Variants in ADAMTS2 observed in about 807,000 individuals in gnomAD.
ADAMTS2 encodes A disintegrin and metalloproteinase with thrombospondin motifs 2.
ADAMTS2 carries 50 observed loss-of-function variants against 123.0 expected under a neutral mutation model. That is an observed-to-expected ratio of 0.41 (90% CI 0.32 to 0.51). ADAMTS2 has a LOEUF of 0.51. ADAMTS2 is among the 20% of genes least tolerant of loss of function. The pLI is 0.35. For missense variants in ADAMTS2, 1,494 were observed against 1,705.2 expected (o/e 0.88, Z 2.18); for synonymous variants, 678 against 695.4 (o/e 0.98, Z 0.39).
At chr5:179,290,290 T>G (rs1756148513) in intron 2 of ADAMTS2, among the ~76,000 whole-genome samples, 1 of 152,210 alleles carries the variant, frequency 6.6e-6, no homozygotes, top group Admixed American at 6.5e-5. Flanking sequence ...TGGGTTTCCC[T>G]TCTTTGCACA....
At chr5:179,134,717 A>C (rs1354013664) in intron 13 of ADAMTS2, among the ~76,000 whole-genome samples, 2 of 147,688 alleles carry the variant, frequency 1.4e-5, no homozygotes, top group Non-Finnish European at 1.5e-5. Context: ...GCCCTCGAGC[A>C]CCCTCCCGGC....
At chr5:179,273,213 G>C (rs988165909) in intron 2 of ADAMTS2, 149 bp from the exon 3 acceptor site, 2 of 1,286,362 alleles carry the variant, frequency 1.6e-6, no homozygotes, top group African/African-American at 2.9e-5. Flanking sequence ...TGGGCTGGCC[G>C]GAGGGTATGA....
At position 179,132,220 on chromosome 5, in the gene ADAMTS2, TGA is replaced by T; in HGVS notation, c.2290+8_2290+9del. 6.2e-7 allele frequency: 1 copy of T among 1,612,506 alleles called. No individual in the cohort carries two copies. The highest frequency in any genetic ancestry group is 8.5e-7 in the Non-Finnish European group (1 of 1,178,780). The stretch of plus-strand genomic sequence containing the variant: ...CTGAGGACGTCAAGTTGTCCGGCTC[TGA>T]GACTCACCCAGATGGTGGCTGGTGG... On this transcript the variant is annotated splice_region_variant and intron_variant, in intron 15 of 21. Transcript: ENST00000251582. The surrounding 1 kb of genome is among the most constrained non-coding windows in gnomAD (Gnocchi z 6.1).
Position 179,175,661 on chromosome 5 carries a change from C to T in ADAMTS2, c.975+5411G>A, listed in dbSNP as rs1435284804. Among the ~76,000 whole-genome samples, 1 of 152,210 alleles carries T rather than the reference C, an allele frequency of 6.6e-6. No individual in the cohort carries two copies. Among genetic ancestry groups the T allele is most frequent in the Non-Finnish European group, 1.5e-5 (1 of 68,030 alleles). On this transcript the variant is annotated intron_variant, in intron 5 of 21. Transcript: ENST00000251582. This position sits in a 1 kb window ranked among gnomAD's most constrained non-coding sequence, Gnocchi z 4.1. ...TGATATTTGGCCACATCACCAGACT[C>T]CTCTCCTAACTCTACAAGTTGTACC...
intron 2 of ADAMTS2, among the ~76,000 whole-genome samples, chr5:179,333,626 A>G (rs1490936083): frequency 7.7e-6 from 1 of 129,556 alleles, no homozygotes; most frequent in East Asian, 2.3e-4. Flanking sequence ...TTTTAGACAG[A>G]GTCTCACTCT....
intron 2 of ADAMTS2, among the ~76,000 whole-genome samples, chr5:179,318,717 CG>C (rs1464108615): frequency 6.6e-6 from 1 of 151,998 alleles, no homozygotes; most frequent in East Asian, 2.0e-4. Flanking sequence ...AAGGCCCCCT[CG>C]GCTCAGGATG....
intron 15 of ADAMTS2, among the ~76,000 whole-genome samples, chr5:179,131,438 C>T (rs1762960147): frequency 6.6e-6 from 1 of 151,778 alleles, no homozygotes; most frequent in Admixed American, 6.6e-5. Context: ...GTATGTTTGT[C>T]AGGCAGCGTG....
chr5:179,139,998 T>C lies in ADAMTS2; in HGVS notation c.1667A>G (p.Asp556Gly), dbSNP rs2113223344. Residue 556 changes from aspartate to glycine, a missense_variant, in exon 11 of 22, where the codon GAC (aspartate) becomes GGC (glycine). Coordinates refer to ENST00000251582, the MANE Select transcript of ADAMTS2 (RefSeq NM_014244.5). ...FKGHCIWLTP[D>G]ILKRDGSWGA... is the part of the protein sequence containing the mutation. ...CCAGCTGCCGTCCCGTTTGAGGATG[T>C]CAGGTGTCAGCCAGATGCAGTGTCC... 2 of 1,614,118 alleles carry C rather than the reference T, an allele frequency of 1.2e-6. No homozygotes were observed. The highest frequency in any genetic ancestry group is 1.7e-4 in the Middle Eastern group (1 of 6,050).
At chr5:179,273,964 AC>A (rs1766618826) in intron 2 of ADAMTS2, among the ~76,000 whole-genome samples, 2 of 151,766 alleles carry the variant, frequency 1.3e-5, no homozygotes, top group Admixed American at 6.6e-5. Context: ...CAGCCCCTGA[AC>A]CCCATGCTGC....
At chr5:179,296,234 G>A (rs562316911) in intron 2 of ADAMTS2, among the ~76,000 whole-genome samples, 2 of 152,278 alleles carry the variant, frequency 1.3e-5, no homozygotes, top group Admixed American at 1.3e-4. Flanking sequence ...AGGAGGTGGC[G>A]GCAGGGGCTG....
chr5:179,320,640 C>G (rs1457045272), intron 2 of ADAMTS2, among the ~76,000 whole-genome samples: 2 of 152,120 alleles, frequency 1.3e-5, no homozygotes, highest in East Asian at 3.9e-4. Flanking sequence ...TCTGATAGCA[C>G]AGCCCCTGTG....
chr5:179,303,275 A>T lies in ADAMTS2; in HGVS notation c.535-30211T>A, dbSNP rs185038725. On this transcript the variant is annotated intron_variant, in intron 2 of 21. Transcript: ENST00000251582. This position sits in a 1 kb window ranked among gnomAD's most constrained non-coding sequence, Gnocchi z 4.7. ...CCTCCCTGATTATAAACCGCTCAAC[A>T]CATAGAGAGGTCCCTAGGAGAAGGT... Among the ~76,000 whole-genome samples, 86 of 152,202 alleles carry T rather than the reference A, an allele frequency of 5.7e-4. 1 individual carries two copies. Among genetic ancestry groups the T allele is most frequent in the Non-Finnish European group, 1.9e-4 (13 of 67,998 alleles).
Position 179,314,253 on chromosome 5 carries a change from G to T in ADAMTS2, c.534+29514C>A, listed in dbSNP as rs891098303. Among the ~76,000 whole-genome samples the T allele has an allele frequency of 6.6e-6, 1 of 152,188 alleles. No individual in the cohort carries two copies. Among genetic ancestry groups the T allele is most frequent in the African/African-American group, 2.4e-5 (1 of 41,452 alleles). Reference sequence around the variant, plus strand: ...CTCCCACCGGGTCGGCCCTGTCCTTGTCTTGCTCAGCTCGGGGGAAGCACC... The same window carrying T: ...CTCCCACCGGGTCGGCCCTGTCCTTTTCTTGCTCAGCTCGGGGGAAGCACC... On this transcript the variant is annotated intron_variant, in intron 2 of 21. Coordinates refer to ENST00000251582, the MANE Select transcript of ADAMTS2 (RefSeq NM_014244.5). This position sits in a 1 kb window ranked among gnomAD's most constrained non-coding sequence, Gnocchi z 4.5.
chr5:179,199,589 A>G (rs1418739367), intron 4 of ADAMTS2, among the ~76,000 whole-genome samples: 2 of 152,180 alleles, frequency 1.3e-5, no homozygotes, highest in African/African-American at 2.4e-5. Context: ...CAGGGGTGGC[A>G]GGAAGCTCTC....
At chr5:179,248,176 G>A (rs1040804429) in intron 3 of ADAMTS2, among the ~76,000 whole-genome samples, 15 of 152,108 alleles carry the variant, frequency 9.9e-5, no homozygotes, top group African/African-American at 3.6e-4. Context: ...ATTGTTATGT[G>A]TTTAAGATAA....
chr5:179,323,623 T>C (rs1342036695), intron 2 of ADAMTS2, among the ~76,000 whole-genome samples: 1 of 152,220 alleles, frequency 6.6e-6, no homozygotes, highest in Non-Finnish European at 1.5e-5. Context: ...AAAGCTGCCA[T>C]TCCCTTCAAC....
At chr5:179,263,319 TATTATTCCCCCATGATTTGGGGAGCAGC>T (rs1766280142) in intron 3 of ADAMTS2, among the ~76,000 whole-genome samples, 44 of 77,456 alleles carry the variant, frequency 5.7e-4, no homozygotes, top group African/African-American at 1.9e-3. Context: ...TGGGGAGCAG[TATTATTCCCCCATGATTTGGGGAGCAGC>T]ATTATTCCCC....
In ADAMTS2 at chr5:179,114,106, GCACCTC is replaced by G; in HGVS notation, c.3391_3396del (p.Glu1131_Val1132del). On this transcript the variant is annotated inframe_deletion, in exon 22 of 22. Transcript: ENST00000251582. ...TCCAGGGGGGTGCTTGGTGATGGCC[GCACCTC>G]CATGGCTACAGTGGGCACTGGGAGG... is the stretch of plus-strand genomic sequence containing the variant. 1 of 1,614,034 alleles carries G rather than the reference GCACCTC, an allele frequency of 6.2e-7. No homozygotes were observed. The highest frequency in any genetic ancestry group is 1.1e-5 in the South Asian group (1 of 91,074).
chr5:179,341,748 G>A (rs889426756), intron 2 of ADAMTS2, among the ~76,000 whole-genome samples: 1 of 150,486 alleles, frequency 6.6e-6, no homozygotes, highest in African/African-American at 2.5e-5. Context: ...CAGAACCAAT[G>A]GTGCTGTCCC....
Sources: allele counts gnomAD v4.1 joint callset (sites outside exome capture counted in the v4.1 genomes callset), GRCh38; gene constraint gnomAD v4.1.1; non-coding constraint Gnocchi (gnomAD v3.1); transcripts MANE v1.5; gene names NCBI Gene and HGNC (gene_info 2026-07-23, HGNC 2026-07-21).